The following IL1RL2 variants were observed in gnomAD, a reference collection of about 807,000 sequenced individuals.
IL1RL2 encodes the protein interleukin-1 receptor-like 2.
IL1RL2 carries 68 observed loss-of-function variants against 66.8 expected under a neutral mutation model. The observed-to-expected ratio is 1.02, with a 90% CI of 0.84 to 1.25. The LOEUF is 1.25. Among genes scored for constraint, IL1RL2 ranks in the 50% most tolerant of loss-of-function variants. The pLI is 0.00. For missense variants in IL1RL2, 729 were observed against 709.3 expected, an observed-to-expected ratio of 1.03 and a Z score of -0.32; for synonymous variants, 305 against 264.6, an observed-to-expected ratio of 1.15 and a Z score of -1.48.
At chr2:102,187,783 G>A (rs913522427) in intron 1 of IL1RL2, 73 bp from the exon 2 acceptor site, 1 of 1,282,308 alleles carries the variant, frequency 7.8e-7, no homozygotes. Flanking sequence ...GAGATTCCGA[G>A]GTCGCCCACG....
chr2:102,192,724 G>A (rs2104715712), intron 4 of IL1RL2, among the ~76,000 whole-genome samples: 1 of 152,324 alleles, frequency 6.6e-6, no homozygotes, highest in Admixed American at 6.5e-5. Context: ...TTGGCATGGA[G>A]GAGCACAGGC....
At chr2:102,192,240 G>C in intron 4 of IL1RL2, 120 bp downstream of exon 4, 2 of 611,802 alleles carry the variant, frequency 3.3e-6, no homozygotes, top group East Asian at 3.2e-5. Flanking sequence ...GCCTAAGATA[G>C]ATTAGTTAGC....
intron 8 of IL1RL2, among the ~76,000 whole-genome samples, chr2:102,223,988 A>C (rs1690375543): frequency 6.6e-6 from 1 of 152,170 alleles, no homozygotes; most frequent in Admixed American, 6.6e-5. Context: ...TCAATGAATT[A>C]ATTTTTTTGG....
intron 6 of IL1RL2, 127 bp downstream of exon 6, chr2:102,212,301 G>A (rs1373555651): frequency 1.5e-6 from 1 of 659,762 alleles, no homozygotes; most frequent in Admixed American, 2.6e-5. Flanking sequence ...TCCAGCTTTG[G>A]ATATACGTGA....
intron 6 of IL1RL2, among the ~76,000 whole-genome samples, chr2:102,216,916 C>T (rs780855693): frequency 2.6e-5 from 4 of 152,116 alleles, no homozygotes; most frequent in Admixed American, 6.6e-5. Flanking sequence ...TTATACATTG[C>T]GTGTTCTTTA....
At chr2:102,190,612 A>C (rs1238333608) in intron 3 of IL1RL2, among the ~76,000 whole-genome samples, 2 of 152,250 alleles carry the variant, frequency 1.3e-5, no homozygotes, top group Admixed American at 6.5e-5. Context: ...GTGGTTCACA[A>C]GTGGAAGTGG....
At chr2:102,235,321 G>A (rs756210528) in intron 11 of IL1RL2, 44 bp downstream of exon 11, 113 of 1,586,922 alleles carry the variant, frequency 7.1e-5, no homozygotes, top group Non-Finnish European at 9.3e-5. Context: ...CACTGATGGA[G>A]GGTCTATCAT....
At chr2:102,196,460 A>G (rs1266723808) in intron 4 of IL1RL2, among the ~76,000 whole-genome samples, 2 of 152,202 alleles carry the variant, frequency 1.3e-5, no homozygotes, top group Non-Finnish European at 2.9e-5. Context: ...CTGTAAAACC[A>G]GAGGGTTGGA....
chr2:102,227,615 G>A (rs907749877), intron 9 of IL1RL2, among the ~76,000 whole-genome samples: 3 of 152,074 alleles, frequency 2.0e-5, no homozygotes, highest in Admixed American at 6.6e-5. Context: ...AGGCCGCCCC[G>A]TCTAAGCACA....
chr2:102,202,644 C>A (rs977124743), intron 5 of IL1RL2, among the ~76,000 whole-genome samples: 1 of 151,982 alleles, frequency 6.6e-6, no homozygotes, highest in Non-Finnish European at 1.5e-5. Flanking sequence ...TTATGTGTGG[C>A]TATTGTAAAT....
downstream of IL1RL2, among the ~76,000 whole-genome samples, chr2:102,242,074 G>A (rs529504607): frequency 2.0e-5 from 3 of 152,266 alleles, no homozygotes; most frequent in Non-Finnish European, 2.9e-5. Context: ...AAAGAAACTC[G>A]CAACCCTCAG....
chr2:102,235,310 G>T (rs757414081), intron 11 of IL1RL2, 33 bp downstream of exon 11: 2 of 1,596,896 alleles, frequency 1.3e-6, no homozygotes, highest in Non-Finnish European at 8.5e-7. Context: ...GGTTTGTCAC[G>T]CACTGATGGA....
At chr2:102,196,373 G>T (rs1469108180) in intron 4 of IL1RL2, among the ~76,000 whole-genome samples, 1 of 152,152 alleles carries the variant, frequency 6.6e-6, no homozygotes, top group Non-Finnish European at 1.5e-5. Flanking sequence ...CTCAGATTTG[G>T]TGATCCAGGT....
intron 4 of IL1RL2, among the ~76,000 whole-genome samples, chr2:102,200,760 C>A (rs774035276): frequency 2.6e-5 from 4 of 152,036 alleles, no homozygotes; most frequent in Non-Finnish European, 5.9e-5. Context: ...GACAGAGAAA[C>A]AGTGAGGCTT....
chr2:102,238,514 TAGTGACGC>T (rs1675067274), intron 11 of IL1RL2, among the ~76,000 whole-genome samples: 1 of 152,148 alleles, frequency 6.6e-6, no homozygotes, highest in African/African-American at 2.4e-5. Context: ...CAGCACCCCA[TAGTGACGC>T]AGACCACTTC....
intron 2 of IL1RL2, among the ~76,000 whole-genome samples, chr2:102,188,557 C>T (rs1158300870): frequency 1.3e-4 from 17 of 126,620 alleles, no homozygotes; most frequent in South Asian, 5.3e-4. Flanking sequence ...CTCTGCACTC[C>T]AGCCTGGGCG....
rs1553642630 is a variant in IL1RL2, at chr2:102,201,695, A to G, written c.629A>G (p.Asn210Ser). The G allele has an allele frequency of 2.5e-6, 4 of 1,613,952 alleles. No homozygotes were observed. Among genetic ancestry groups the G allele is most frequent in the Non-Finnish European group, 3.4e-6 (4 of 1,179,920 alleles). The change falls in exon 5 of 12, where the codon AAT (asparagine) becomes AGT (serine). Residue 210 changes from asparagine (N) to serine (S), a missense_variant. Asn to Ser is a conservative substitution (Grantham distance 46). Coordinates refer to ENST00000264257, the MANE Select transcript of IL1RL2 (RefSeq NM_003854.4). ...TCAGGGAAGCAGTACGAGGTTTTAA[A>G]TGGCATCACTGTGAGCATTAGTAAG... ...THSGKQYEVL[N>S]GITVSITERA...
In IL1RL2 at chr2:102,188,587, CA is replaced by C. The variant is rs374522339; in HGVS notation, c.59-473del. Among the ~76,000 whole-genome samples the C allele has an allele frequency of 2.6e-3, 251 of 94,972 alleles. 2 individuals are homozygous for C. The highest frequency in any genetic ancestry group is 9.5e-3 in the African/African-American group (214 of 22,642). The allele number at this position is 94,972 out of a possible 152,430, so 62.3% of individuals were successfully genotyped here. A position where few individuals can be genotyped will look rare whatever the true frequency, so the allele number is the denominator to read the frequency against. ...TGGGCGACAGAGAGAGACTCCGTCT[CA>C]AAAAAAAAAAAAAAAGGAAATTTGG... On this transcript the variant is annotated intron_variant, in intron 2 of 11. Transcript: ENST00000264257.
chr2:102,190,136 C>T (rs1307247655), intron 3 of IL1RL2, among the ~76,000 whole-genome samples: 2 of 152,344 alleles, frequency 1.3e-5, no homozygotes, highest in African/African-American at 4.8e-5. Flanking sequence ...CTGCTGGTGA[C>T]TGTGGTCAGC....
Sources: gnomAD v4.1 joint callset for allele counts (sites outside exome capture counted in the v4.1 genomes callset) on GRCh38, gnomAD v4.1.1 for gene constraint, MANE v1.5 for transcripts, NCBI Gene and HGNC (gene_info 2026-07-23, HGNC 2026-07-21) for gene names.